Variants in HDAC4 observed in about 807,000 individuals in gnomAD.
HDAC4 encodes the protein histone deacetylase A.
Under a neutral mutation model 135.1 loss-of-function variants are expected in HDAC4, and 16 were observed. That is an observed-to-expected ratio of 0.12 (90% CI 0.08 to 0.18). The LOEUF (loss-of-function observed/expected upper bound fraction) is 0.18. Among genes scored for constraint, HDAC4 ranks in the 10% least tolerant of loss-of-function variants. HDAC4 has a pLI of 1.00. For synonymous variants in HDAC4, 685 were observed against 653.4 expected, an observed-to-expected ratio of 1.05 and a Z score of -0.74; for missense variants, 1,143 against 1,511.8, an observed-to-expected ratio of 0.76 and a Z score of 4.05.
chr2:239,117,352 G>A (rs1200535547), intron 12 of HDAC4, among the ~76,000 whole-genome samples: 3 of 152,268 alleles, frequency 2.0e-5, no homozygotes, highest in Admixed American at 1.3e-4. Flanking sequence ...AGGCATGGGA[G>A]AAAGAACAGG....
At chr2:239,319,633 A>G (rs2053240946) in intron 2 of HDAC4, among the ~76,000 whole-genome samples, 1 of 152,260 alleles carries the variant, frequency 6.6e-6, no homozygotes, top group African/African-American at 2.4e-5. Context: ...AAAACACACA[A>G]AAGAATGTCC....
At chr2:239,298,681 C>A in intron 2 of HDAC4, 1 of 942,556 alleles carries the variant, frequency 1.1e-6, no homozygotes, top group Non-Finnish European at 1.3e-6. Flanking sequence ...ATCCAGCACC[C>A]AACAACGTGG....
chr2:239,375,600 C>T (rs542889290), intron 1 of HDAC4, among the ~76,000 whole-genome samples: 14 of 152,364 alleles, frequency 9.2e-5, no homozygotes, highest in African/African-American at 1.7e-4. Flanking sequence ...ACACCACGGA[C>T]GCTACAGGCC....
intron 1 of HDAC4, among the ~76,000 whole-genome samples, chr2:239,355,989 T>C (rs1477514336): frequency 6.6e-6 from 1 of 152,222 alleles, no homozygotes; most frequent in Non-Finnish European, 1.5e-5. Flanking sequence ...ATAGAAATGT[T>C]CTGGAAGAAC....
chr2:239,219,368 G>A (rs929697998), intron 3 of HDAC4, among the ~76,000 whole-genome samples: 6 of 149,876 alleles, frequency 4.0e-5, no homozygotes, highest in African/African-American at 9.9e-5. Flanking sequence ...CTATCACAAG[G>A]ACAAAAAACC....
At chr2:239,182,388 T>C (rs1437952575) in intron 4 of HDAC4, among the ~76,000 whole-genome samples, 2 of 152,192 alleles carry the variant, frequency 1.3e-5, no homozygotes, top group Non-Finnish European at 2.9e-5. Context: ...TCTCACAGTA[T>C]CTACTTGTCA....
intron 2 of HDAC4, among the ~76,000 whole-genome samples, chr2:239,263,152 T>C (rs1013575087): frequency 2.0e-5 from 3 of 151,956 alleles, no homozygotes; most frequent in African/African-American, 7.3e-5. Flanking sequence ...ACTACCCTCC[T>C]TCATGTCTGC....
chr2:239,331,819 T>A lies in HDAC4; in HGVS notation c.22+20859A>T, dbSNP rs1396642044. Among the ~76,000 whole-genome samples, 3 of 152,122 alleles carry A rather than the reference T, an allele frequency of 2.0e-5. No individual in the cohort carries two copies. Among genetic ancestry groups the A allele is most frequent in the Non-Finnish European group, 4.4e-5 (3 of 68,028 alleles). ...GGAAAGAGGGCACACTCGGCCCGCGTGTCCTCCAGAGGCTGAGGAGCGGAG... is the reference window on the plus strand; with the variant it reads ...GGAAAGAGGGCACACTCGGCCCGCGAGTCCTCCAGAGGCTGAGGAGCGGAG... On this transcript the variant is annotated intron_variant, in intron 2 of 26. Coordinates refer to ENST00000543185, the MANE Select transcript of HDAC4 (RefSeq NM_001378414.1). This position sits in a 1 kb window ranked among gnomAD's most constrained non-coding sequence, Gnocchi z 4.5.
At chr2:239,085,950 C>G (rs2035901274) in intron 19 of HDAC4, 1 of 146,584 alleles carries the variant, frequency 6.8e-6, no homozygotes, top group South Asian at 2.3e-4. Flanking sequence ...ATCTGACTAT[C>G]TCGCACGTAC....
At chr2:239,398,892 G>A (rs1696745050) in intron 1 of HDAC4, among the ~76,000 whole-genome samples, 2 of 152,194 alleles carry the variant, frequency 1.3e-5, no homozygotes, top group Admixed American at 6.5e-5. Flanking sequence ...CCCTAAAGAG[G>A]GCAGCGTTAC....
intron 5 of HDAC4, among the ~76,000 whole-genome samples, chr2:239,170,023 C>T (rs866312244): frequency 2.0e-5 from 3 of 152,272 alleles, no homozygotes; most frequent in Middle Eastern, 6.8e-3. Context: ...TGAAATTCTA[C>T]CAGTTAAAGT....
chr2:239,269,038 T>G (rs1388253110), intron 2 of HDAC4, among the ~76,000 whole-genome samples: 2 of 152,200 alleles, frequency 1.3e-5, no homozygotes, highest in Admixed American at 6.5e-5. Flanking sequence ...TTGGAAACGT[T>G]CAATTAGAAG....
At chr2:239,131,022 G>A (rs2040542183) in intron 11 of HDAC4, among the ~76,000 whole-genome samples, 2 of 152,238 alleles carry the variant, frequency 1.3e-5, no homozygotes, top group South Asian at 4.1e-4. Context: ...GTTATGCGGA[G>A]ACTAATCTCC....
At chr2:239,071,511 G>A (rs1450580682) in intron 22 of HDAC4, among the ~76,000 whole-genome samples, 1 of 152,198 alleles carries the variant, frequency 6.6e-6, no homozygotes, top group African/African-American at 2.4e-5. Context: ...ATAAGCAGGT[G>A]TTATCATTCT....
intron 3 of HDAC4, among the ~76,000 whole-genome samples, chr2:239,230,178 AC>A (rs1211376379): frequency 1.3e-5 from 2 of 151,256 alleles, no homozygotes; most frequent in African/African-American, 4.9e-5. Flanking sequence ...GGCCTGTCCA[AC>A]CCCCCATTCC....
intron 3 of HDAC4, among the ~76,000 whole-genome samples, chr2:239,214,440 G>A (rs2046511479): frequency 6.6e-6 from 1 of 152,212 alleles, no homozygotes; most frequent in South Asian, 2.1e-4. Context: ...GAGCTCCTTT[G>A]GCCGGGTAAG....
Position 239,165,558 on chromosome 2 carries a change from G to A in HDAC4, c.491-1635C>T, listed in dbSNP as rs185075397. 9.1e-4 allele frequency among the ~76,000 whole-genome samples: 138 copies of A among 152,238 alleles called. 1 individual carries two copies. In the East Asian group the frequency reaches 0.016, roughly 17 times the overall value. On this transcript the variant is annotated intron_variant, in intron 5 of 26. Coordinates refer to ENST00000543185, the MANE Select transcript of HDAC4 (RefSeq NM_001378414.1). ...TCTTATGATAATGGCTGTATCGAGA[G>A]CCTAGTATATGCCAGCCCTGGCCTG...
chr2:239,208,847 G>T lies in HDAC4; in HGVS notation c.95-18770C>A, dbSNP rs967370066. On this transcript the variant is annotated intron_variant, in intron 3 of 26. Coordinates refer to ENST00000543185, the MANE Select transcript of HDAC4 (RefSeq NM_001378414.1). ...AGTATTTCTAACAAAAAATGAGAAC[G>T]ACCTTTATGGATAAAAATTATAAAA... 2.6e-5 allele frequency among the ~76,000 whole-genome samples: 4 copies of T among 152,076 alleles called. No individual in the cohort carries two copies. The East Asian group carries it at 7.7e-4, about 29-fold the overall frequency.
chr2:239,217,325 C>A (rs937435264), intron 3 of HDAC4, among the ~76,000 whole-genome samples: 1 of 152,144 alleles, frequency 6.6e-6, no homozygotes, highest in African/African-American at 2.4e-5. Context: ...TAGTGGTTAA[C>A]CTAAAATTCC....
Sources: gnomAD v4.1 joint callset for allele counts (sites outside exome capture counted in the v4.1 genomes callset) on GRCh38, gnomAD v4.1.1 for gene constraint, Gnocchi (gnomAD v3.1) non-coding constraint, MANE v1.5 for transcripts, NCBI Gene and HGNC (gene_info 2026-07-23, HGNC 2026-07-21) for gene names.